Variants in TOMM20 observed in about 807,000 individuals in gnomAD.
The protein encoded by TOMM20 is translocase of outer mitochondrial membrane 20.
Under a neutral mutation model 22.1 loss-of-function variants are expected in TOMM20, and 10 were observed. That is an observed-to-expected ratio of 0.45 (90% CI 0.28 to 0.77). The LOEUF is 0.77. Among genes scored for constraint, TOMM20 ranks in the 30% least tolerant of loss-of-function variants. TOMM20 has a pLI of 0.13. For missense variants in TOMM20, 121 were observed against 172.2 expected (o/e 0.70, Z 1.66); for synonymous variants, 55 against 61.4 (o/e 0.90, Z 0.49).
intron 3 of TOMM20, among the ~76,000 whole-genome samples, chr1:235,116,575 T>C (rs1413996940): frequency 1.3e-5 from 2 of 150,566 alleles, no homozygotes; most frequent in East Asian, 3.9e-4. Context: ...GGCACACGCC[T>C]GTAATCCCAG....
chr1:235,128,657 T>C lies in TOMM20; in HGVS notation c.59A>G (p.Tyr20Cys). 6.2e-7 allele frequency: 1 copy of C among 1,613,982 alleles called. No homozygotes were observed. Among genetic ancestry groups the C allele is most frequent in the Non-Finnish European group, 8.5e-7 (1 of 1,179,940 alleles). The stretch of plus-strand genomic sequence containing the variant: ...TCTTTTGCGGTCGAAGTAGATGCAG[T>C]ACCCAATGAAAAGGGCCCCGCATAC... Reference protein sequence around the residue: ...AGVCGALFIGYCIYFDRKRRS... With the variant: ...AGVCGALFIGCCIYFDRKRRS... Residue 20 changes from tyrosine to cysteine, a missense_variant, in exon 1 of 5, where the codon TAC becomes TGC. Transcript: ENST00000366607.
intron 1 of TOMM20, among the ~76,000 whole-genome samples, chr1:235,126,057 ATAGAT>A (rs1350265568): frequency 2.0e-5 from 3 of 148,792 alleles, no homozygotes; most frequent in African/African-American, 2.5e-5. Flanking sequence ...CGCCTGGTCG[ATAGAT>A]TAGATTAGAT....
At chr1:235,122,035 T>C (rs948657456) in intron 2 of TOMM20, among the ~76,000 whole-genome samples, 2 of 152,220 alleles carry the variant, frequency 1.3e-5, no homozygotes, top group African/African-American at 2.4e-5. Flanking sequence ...TTAGGAACTT[T>C]TCATCTTTTG....
At chr1:235,116,953 G>A (rs1389259650) in intron 3 of TOMM20, among the ~76,000 whole-genome samples, 1 of 150,550 alleles carries the variant, frequency 6.6e-6, no homozygotes, top group South Asian at 2.1e-4. Context: ...GGCTAACATG[G>A]TGAAACCCCG....
At chr1:235,116,800 A>G (rs1660835267) in intron 3 of TOMM20, among the ~76,000 whole-genome samples, 1 of 152,090 alleles carries the variant, frequency 6.6e-6, no homozygotes, top group South Asian at 2.1e-4. Context: ...TATTTACCAA[A>G]CAATTTCCCA....
intron 1 of TOMM20, among the ~76,000 whole-genome samples, chr1:235,126,076 TAGATAGATAGATAA>T (rs1558130948): frequency 2.0e-5 from 3 of 148,532 alleles, no homozygotes; most frequent in African/African-American, 5.0e-5. Context: ...ATTAGATAGA[TAGATAGATAGATAA>T]AGATAGATAG....
intron 1 of TOMM20, among the ~76,000 whole-genome samples, chr1:235,122,670 C>T (rs998953157): frequency 6.6e-6 from 1 of 152,154 alleles, no homozygotes; most frequent in African/African-American, 2.4e-5. Context: ...CAGATCAAGT[C>T]CCCCCTTCCA....
intron 3 of TOMM20, among the ~76,000 whole-genome samples, chr1:235,114,704 T>C (rs1252349875): frequency 6.6e-6 from 1 of 152,302 alleles, no homozygotes; most frequent in South Asian, 2.1e-4. Flanking sequence ...CCCAAAGTGC[T>C]GGGATTACAG....
chr1:235,118,662 T>G (rs1464900358), intron 3 of TOMM20, among the ~76,000 whole-genome samples: 1 of 152,186 alleles, frequency 6.6e-6, no homozygotes, highest in Non-Finnish European at 1.5e-5. Context: ...AGTAGCTGGC[T>G]ACAGGTGCAT....
chr1:235,127,825 G>C, intron 1 of TOMM20: 1 of 518,954 alleles, frequency 1.9e-6, no homozygotes, highest in Non-Finnish European at 3.8e-6. Context: ...TATGAAATAA[G>C]ACTGAGCCAC....
chr1:235,116,301 G>A (rs1287368192), intron 3 of TOMM20, among the ~76,000 whole-genome samples: 2 of 152,104 alleles, frequency 1.3e-5, no homozygotes. Flanking sequence ...AGCACTTTGG[G>A]AGGCTGAGGT....
chr1:235,112,375 T>C (rs1208005422), intron 4 of TOMM20, among the ~76,000 whole-genome samples: 1 of 152,196 alleles, frequency 6.6e-6, no homozygotes, highest in Non-Finnish European at 1.5e-5. Context: ...ATGGGGTCTC[T>C]GTAACCCAGG....
chr1:235,115,583 C>T (rs1660814975), intron 3 of TOMM20, among the ~76,000 whole-genome samples: 1 of 152,036 alleles, frequency 6.6e-6, no homozygotes, highest in South Asian at 2.1e-4. Context: ...GCCAAGATCG[C>T]ACCACTGCAC....
rs555583735 is a variant in TOMM20 at position 235,112,124 on chromosome 1, A to G, written c.394-16T>C. 1 of 1,593,412 alleles carries G rather than the reference A, an allele frequency of 6.3e-7. No individual in the cohort carries two copies. The highest frequency in any genetic ancestry group is 2.3e-5 in the East Asian group (1 of 44,372). The stretch of plus-strand genomic sequence containing the variant: ...TTACAATTCTCTGAAAGAAAAAAAA[A>G]ATAATTTTTTAAAGTGTCATAAGCA... On this transcript the variant is annotated splice_polypyrimidine_tract_variant and intron_variant, in intron 4 of 4. Transcript: ENST00000366607.
intron 2 of TOMM20, among the ~76,000 whole-genome samples, chr1:235,121,633 C>T (rs1660931993): frequency 6.6e-6 from 1 of 152,140 alleles, no homozygotes; most frequent in African/African-American, 2.4e-5. Flanking sequence ...TTAAAAAGAA[C>T]CACTAATGAT....
At chr1:235,115,848 C>G (rs1016054857) in intron 3 of TOMM20, among the ~76,000 whole-genome samples, 4 of 151,996 alleles carry the variant, frequency 2.6e-5, no homozygotes, top group African/African-American at 9.7e-5. Flanking sequence ...AAAGCACACA[C>G]ATGTTTACTG....
At chr1:235,113,385 C>T (rs539433995) in intron 4 of TOMM20, among the ~76,000 whole-genome samples, 3 of 152,060 alleles carry the variant, frequency 2.0e-5, no homozygotes, top group African/African-American at 7.2e-5. Context: ...CGTTTAGGCC[C>T]GAATGTGTAG....
chr1:235,116,689 C>T (rs1660833423), intron 3 of TOMM20, among the ~76,000 whole-genome samples: 1 of 152,076 alleles, frequency 6.6e-6, no homozygotes, highest in Non-Finnish European at 1.5e-5. Context: ...CCAGCCTGGG[C>T]AACAGAATGA....
intron 1 of TOMM20, chr1:235,127,943 A>G (rs1397585192): frequency 5.8e-6 from 3 of 517,490 alleles, no homozygotes; most frequent in Non-Finnish European, 1.2e-5. Context: ...TGCAGCAATG[A>G]GCCAGGCGGA....
Sources: gnomAD v4.1 joint callset for allele counts (sites outside exome capture counted in the v4.1 genomes callset) on GRCh38, gnomAD v4.1.1 for gene constraint, MANE v1.5 for transcripts, NCBI Gene and HGNC (gene_info 2026-07-23, HGNC 2026-07-21) for gene names.